The following AIG1 variants were observed in gnomAD, a reference collection of about 807,000 sequenced individuals.
The protein encoded by AIG1 is androgen induced 1, also known as androgen-induced gene 1 protein.
Under a neutral mutation model 31.4 loss-of-function variants are expected in AIG1, and 23 were observed. That is an observed-to-expected ratio of 0.73 (90% CI 0.53 to 1.04). The LOEUF is 1.04. Ranked by LOEUF, AIG1 falls within the 50% of genes least tolerant of loss-of-function variation. The probability of loss-of-function intolerance (pLI) is 0.00; values close to 1 mark genes in which losing one functional copy is unlikely to be tolerated. For missense variants in AIG1, 274 were observed against 295.0 expected (o/e 0.93, Z 0.52); for synonymous variants, 100 against 110.5 (o/e 0.90, Z 0.60).
intron 2 of AIG1, among the ~76,000 whole-genome samples, chr6:143,140,907 T>A (rs952433600): frequency 3.3e-5 from 5 of 152,210 alleles, no homozygotes; most frequent in Non-Finnish European, 7.3e-5. Flanking sequence ...GCCTCAGCTT[T>A]GAGTCCTCCT....
intron 3 of AIG1, among the ~76,000 whole-genome samples, chr6:143,208,952 C>T (rs1035420654): frequency 2.6e-5 from 4 of 151,938 alleles, no homozygotes; most frequent in Non-Finnish European, 1.5e-5. Context: ...CACCCTGGGT[C>T]CTGCAGTAGC....
intron 3 of AIG1, among the ~76,000 whole-genome samples, chr6:143,227,794 C>T (rs1283016100): frequency 6.6e-6 from 1 of 152,052 alleles, no homozygotes; most frequent in East Asian, 1.9e-4. Context: ...TGCACAGGGA[C>T]CCAGGACAGG....
At chr6:143,074,783 T>C (rs1204244377) in intron 1 of AIG1, among the ~76,000 whole-genome samples, 1 of 152,236 alleles carries the variant, frequency 6.6e-6, no homozygotes, top group Non-Finnish European at 1.5e-5. Context: ...TTTGTTGAGT[T>C]TTTTTGCCTC....
chr6:143,125,211 C>T (rs1473736423), intron 1 of AIG1, among the ~76,000 whole-genome samples: 1 of 152,116 alleles, frequency 6.6e-6, no homozygotes, highest in Non-Finnish European at 1.5e-5. Context: ...AGAACATGAT[C>T]AAAGATGCAA....
intron 1 of AIG1, among the ~76,000 whole-genome samples, chr6:143,129,019 C>T (rs781245677): frequency 5.3e-5 from 8 of 152,138 alleles, no homozygotes; most frequent in Non-Finnish European, 8.8e-5. Flanking sequence ...TGGCTGGGCG[C>T]GGTGGCTCAT....
chr6:143,062,469 T>G (rs962174268), intron 1 of AIG1, among the ~76,000 whole-genome samples: 13 of 152,216 alleles, frequency 8.5e-5, no homozygotes, highest in Non-Finnish European at 1.6e-4. Flanking sequence ...TTTCTGTCTG[T>G]TCCTTTTAGC....
chr6:143,074,357 C>T (rs372705610), intron 1 of AIG1, among the ~76,000 whole-genome samples: 102 of 152,272 alleles, frequency 6.7e-4, no homozygotes, highest in African/African-American at 2.3e-3. Flanking sequence ...GTATTCTCTT[C>T]TAGGAGTTTT....
chr6:143,187,808 T>C, intron 3 of AIG1: 7 of 1,497,078 alleles, frequency 4.7e-6, no homozygotes, highest in Non-Finnish European at 6.2e-6. Flanking sequence ...TTTTGCCAAG[T>C]TGATGAAATA....
At chr6:143,300,613 A>C (rs1172172109) in intron 4 of AIG1, among the ~76,000 whole-genome samples, 1 of 152,230 alleles carries the variant, frequency 6.6e-6, no homozygotes, top group Non-Finnish European at 1.5e-5. Flanking sequence ...ATTGCTTTCA[A>C]AGACCTTTTA....
chr6:143,257,356 CAAAAAA>C (rs919148451), intron 3 of AIG1, among the ~76,000 whole-genome samples: 1 of 150,898 alleles, frequency 6.6e-6, no homozygotes, highest in Non-Finnish European at 1.5e-5. Flanking sequence ...AAAACAAAAA[CAAAAAA>C]AAATTGTTAT....
In AIG1 at chr6:143,210,730, A is replaced by G. The variant is rs182477592; in HGVS notation, c.399+45547A>G. On this transcript the variant is annotated intron_variant, in intron 3 of 5. Transcript: ENST00000357847. ...AGTTTTTGTCAGGAGACAATAAAAAATGAAATTAACCTAGAGAAAATACGT... is the reference window on the plus strand; with the variant it reads ...AGTTTTTGTCAGGAGACAATAAAAAGTGAAATTAACCTAGAGAAAATACGT... Among the ~76,000 whole-genome samples the G allele has an allele frequency of 2.7e-3, 418 of 152,354 alleles. 3 individuals are homozygous for G. Among genetic ancestry groups the G allele is most frequent in the African/African-American group, 9.2e-3 (384 of 41,584 alleles).
chr6:143,343,524 C>A, downstream of AIG1: 1 of 215,220 alleles, frequency 4.6e-6, no homozygotes, highest in East Asian at 1.1e-4. Context: ...GCTGTGTCCC[C>A]GGGTCCGTGT....
intron 1 of AIG1, among the ~76,000 whole-genome samples, chr6:143,103,496 G>GTTTTC (rs1780493028): frequency 7.4e-6 from 1 of 134,654 alleles, no homozygotes; most frequent in Admixed American, 7.3e-5. Flanking sequence ...AAATACAGAA[G>GTTTTC]TTTTCTTTTT....
chr6:143,109,920 T>C (rs559895067), intron 1 of AIG1, among the ~76,000 whole-genome samples: 1 of 152,332 alleles, frequency 6.6e-6, no homozygotes, highest in African/African-American at 2.4e-5. Context: ...TGCATTGTTG[T>C]TTTTTGTCCT....
Position 143,060,983 on chromosome 6 carries a change from A to G in AIG1, c.58A>G (p.Ile20Val), listed in dbSNP as rs140396210. ...RMAILLSYCS[I>V]LCNYKAIEMP... The stretch of plus-strand genomic sequence containing the variant: ...GGCAATCCTGCTGTCTTACTGCTCT[A>G]TCCTGTGTAACTACAAGGCCATCGA... Residue 20 changes from isoleucine to valine, a missense_variant, in exon 1 of 6, where the codon ATC becomes GTC. By Grantham distance (29) the Ile-to-Val change is conservative. Coordinates refer to ENST00000357847, the MANE Select transcript of AIG1 (RefSeq NM_016108.4). 2.5e-6 allele frequency: 4 copies of G among 1,612,996 alleles called. No individual in the cohort carries two copies. Among genetic ancestry groups the G allele is most frequent in the African/African-American group, 1.3e-5 (1 of 74,792 alleles).
At chr6:143,309,204 A>G (rs972194620) in intron 4 of AIG1, among the ~76,000 whole-genome samples, 2 of 152,114 alleles carry the variant, frequency 1.3e-5, no homozygotes, top group Non-Finnish European at 2.9e-5. Context: ...TTTCAAAAGT[A>G]AAGAAGAACT....
chr6:143,084,753 A>G (rs1046551430), intron 1 of AIG1, among the ~76,000 whole-genome samples: 3 of 152,126 alleles, frequency 2.0e-5, no homozygotes, highest in Admixed American at 1.3e-4. Flanking sequence ...CCTGTGTTAT[A>G]GTGGACATCA....
At chr6:143,144,287 C>A (rs1784534848) in intron 2 of AIG1, among the ~76,000 whole-genome samples, 1 of 152,148 alleles carries the variant, frequency 6.6e-6, no homozygotes, top group Non-Finnish European at 1.5e-5. Flanking sequence ...TTTGTGGGAC[C>A]ATGGAGCCTA....
At chr6:143,110,036 A>AT (rs1402424057) in intron 1 of AIG1, among the ~76,000 whole-genome samples, 2 of 151,934 alleles carry the variant, frequency 1.3e-5, no homozygotes, top group Admixed American at 1.3e-4. Flanking sequence ...TCTGGGAGTA[A>AT]TTTTTTTGTA....
Sources: allele counts gnomAD v4.1 joint callset (sites outside exome capture counted in the v4.1 genomes callset), GRCh38; gene constraint gnomAD v4.1.1; transcripts MANE v1.5; gene names NCBI Gene and HGNC (gene_info 2026-07-23, HGNC 2026-07-21).